ZBTB38: variants seen among roughly 807,000 people sequenced by gnomAD.
ZBTB38 encodes the protein zinc finger and BTB domain containing 38.
Under a neutral mutation model 76.8 loss-of-function variants are expected in ZBTB38, and 20 were observed. The ratio of observed to expected loss-of-function variants is 0.26; its 90% confidence interval spans 0.18 to 0.38. ZBTB38 has a LOEUF of 0.38. Ranked by LOEUF, ZBTB38 falls within the 10% of genes least tolerant of loss-of-function variation. ZBTB38 has a pLI of 1.00. For synonymous variants in ZBTB38, 504 were observed against 544.2 expected, an observed-to-expected ratio of 0.93 and a Z score of 1.03; for missense variants, 1,082 against 1,482.3, an observed-to-expected ratio of 0.73 and a Z score of 4.43.
intron 1 of ZBTB38, among the ~76,000 whole-genome samples, chr3:141,330,816 G>C (rs765805442): frequency 4.6e-5 from 7 of 152,216 alleles, no homozygotes; most frequent in Non-Finnish European, 1.0e-4. Flanking sequence ...TTTACAAGAA[G>C]AGGAAGAGAA....
chr3:141,341,570 C>A (rs1307839310), intron 1 of ZBTB38, among the ~76,000 whole-genome samples: 7 of 152,164 alleles, frequency 4.6e-5, no homozygotes, highest in African/African-American at 1.7e-4. Context: ...AGGGCAGAAT[C>A]CTGTGAAGCA....
At chr3:141,355,103 G>A (rs564481219) in intron 1 of ZBTB38, among the ~76,000 whole-genome samples, 5 of 152,124 alleles carry the variant, frequency 3.3e-5, no homozygotes, top group African/African-American at 1.2e-4. Flanking sequence ...ATTACAATGA[G>A]AGGAAGGAGA....
At chr3:141,407,412 T>C (rs1416561455) in intron 5 of ZBTB38, among the ~76,000 whole-genome samples, 1 of 152,230 alleles carries the variant, frequency 6.6e-6, no homozygotes, top group Non-Finnish European at 1.5e-5. Context: ...TAATACATAA[T>C]TTGGTCAGGA....
intron 2 of ZBTB38, among the ~76,000 whole-genome samples, chr3:141,377,331 T>A (rs550545799): frequency 3.7e-4 from 57 of 152,292 alleles, no homozygotes; most frequent in African/African-American, 1.3e-3. Context: ...ATGAGAGACA[T>A]CTGAGGTCAC....
At chr3:141,407,821 T>G (rs1395244449) in intron 5 of ZBTB38, among the ~76,000 whole-genome samples, 1 of 152,256 alleles carries the variant, frequency 6.6e-6, no homozygotes, top group African/African-American at 2.4e-5. Context: ...TAGAGATATG[T>G]CTATACTCAA....
At chr3:141,406,301 G>T (rs779931458) in intron 5 of ZBTB38, among the ~76,000 whole-genome samples, 3 of 152,130 alleles carry the variant, frequency 2.0e-5, no homozygotes, top group Non-Finnish European at 4.4e-5. Context: ...AGGCCAGAAA[G>T]CCAGTTAAGC....
chr3:141,355,040 A>G (rs1351799084), intron 1 of ZBTB38, among the ~76,000 whole-genome samples: 1 of 152,054 alleles, frequency 6.6e-6, no homozygotes, highest in African/African-American at 2.4e-5. Flanking sequence ...ATTGTTATAA[A>G]CTAAGCTATA....
chr3:141,346,908 G>A (rs758112510), intron 1 of ZBTB38, among the ~76,000 whole-genome samples: 17 of 151,724 alleles, frequency 1.1e-4, no homozygotes, highest in Non-Finnish European at 2.1e-4. Context: ...TGTCTACTAC[G>A]AATGTTTTAT....
At chr3:141,406,736 A>T (rs2149712969) in intron 5 of ZBTB38, among the ~76,000 whole-genome samples, 1 of 152,312 alleles carries the variant, frequency 6.6e-6, no homozygotes, top group South Asian at 2.1e-4. Context: ...GAAGTCTGGC[A>T]AGATAGTAAG....
chr3:141,324,623 T>C (rs1213101139), intron 1 of ZBTB38, among the ~76,000 whole-genome samples: 1 of 152,194 alleles, frequency 6.6e-6, no homozygotes, highest in Non-Finnish European at 1.5e-5. Flanking sequence ...CTATTATTGA[T>C]TCCCCAGCAT....
intron 5 of ZBTB38, among the ~76,000 whole-genome samples, chr3:141,431,341 A>AATATATATATATATATATATAT (rs1553771301): frequency 3.5e-4 from 36 of 103,254 alleles, no homozygotes; most frequent in South Asian, 5.5e-4. Flanking sequence ...AAAAAAAAAA[A>AATATATATATATATATATATAT]ATATATATAT....
Position 141,448,599 on chromosome 3 carries a change from ATAT to A in ZBTB38, c.*2629_*2631del, listed in dbSNP as rs1393613922. The A allele has an allele frequency of 5.3e-5, 8 of 152,272 alleles. No individual in the cohort carries two copies. Among genetic ancestry groups the A allele is most frequent in the East Asian group, 1.9e-4 (1 of 5,204 alleles). 9.4% of individuals were successfully genotyped at this position (152,272 alleles called of 1,614,324 possible). ...TTAGCATCTGTATTTTGGTTAGAAG[ATAT>A]TATTAAATGCAGATGTTAAGGATTG... On this transcript the variant is annotated 3_prime_UTR_variant, in exon 6 of 6. Transcript: ENST00000321464.
intron 5 of ZBTB38, among the ~76,000 whole-genome samples, chr3:141,420,286 T>A (rs962125913): frequency 1.3e-5 from 2 of 152,172 alleles, no homozygotes; most frequent in Non-Finnish European, 2.9e-5. Flanking sequence ...TTGCTGTGGT[T>A]TTGAAACAGT....
At chr3:141,399,649 G>C (rs1238779149) in intron 4 of ZBTB38, among the ~76,000 whole-genome samples, 2 of 152,198 alleles carry the variant, frequency 1.3e-5, no homozygotes, top group Non-Finnish European at 2.9e-5. Context: ...AGTGCTGCTA[G>C]TATGAGAGTT....
In ZBTB38 at chr3:141,438,877, G is replaced by A. The variant is rs998187454; in HGVS notation, c.1-3512G>A. Among the ~76,000 whole-genome samples, 4 of 151,830 alleles carry A rather than the reference G, an allele frequency of 2.6e-5. No individual in the cohort carries two copies. In the East Asian group the frequency reaches 5.8e-4, roughly 22 times the overall value. On this transcript the variant is annotated intron_variant, in intron 5 of 5. Coordinates refer to ENST00000321464, the MANE Select transcript of ZBTB38 (RefSeq NM_001376113.1). ...GCCATGTGCCTGGCCCCACATAGAC[G>A]CTGTCGACTGGGCTGCACACACTAC...
intron 1 of ZBTB38, among the ~76,000 whole-genome samples, chr3:141,348,407 AT>A (rs1238199685): frequency 6.6e-6 from 1 of 152,236 alleles, no homozygotes; most frequent in Non-Finnish European, 1.5e-5. Flanking sequence ...AATGCTCATA[AT>A]AGCTTTGGAA....
At chr3:141,336,560 G>T (rs1032533872) in intron 1 of ZBTB38, among the ~76,000 whole-genome samples, 8 of 152,008 alleles carry the variant, frequency 5.3e-5, no homozygotes, top group African/African-American at 1.7e-4. Flanking sequence ...TGTTGGCCAG[G>T]GTGGTCTTGA....
intron 5 of ZBTB38, among the ~76,000 whole-genome samples, chr3:141,405,214 G>A (rs1953940696): frequency 1.3e-5 from 2 of 152,148 alleles, no homozygotes; most frequent in Admixed American, 1.3e-4. Context: ...CAGTCTCTTA[G>A]CAAAGAATTT....
chr3:141,445,415 A>G lies in ZBTB38; in HGVS notation c.3027A>G (p.Pro1009=), dbSNP rs770573340. The G allele has an allele frequency of 3.1e-6, 5 of 1,614,198 alleles. No homozygotes were observed. In the South Asian group the frequency reaches 3.3e-5, roughly 11 times the overall value. ...GRPHRHLTSR[P]YACELCAKQF... ...CCCACCGACATCTTACTTCTCGGCC[A>G]TATGCCTGCGAGCTCTGCGCCAAGC... is the stretch of plus-strand genomic sequence containing the variant. The change falls in exon 6 of 6, where the codon CCA becomes CCG. Residue 1009 remains proline, a synonymous_variant. Coordinates refer to ENST00000321464, the MANE Select transcript of ZBTB38 (RefSeq NM_001376113.1). This position sits in a 1 kb window ranked among gnomAD's most constrained non-coding sequence, Gnocchi z 6.5.
Sources: allele counts gnomAD v4.1 joint callset (sites outside exome capture counted in the v4.1 genomes callset), GRCh38; gene constraint gnomAD v4.1.1; non-coding constraint Gnocchi (gnomAD v3.1); transcripts MANE v1.5; gene names NCBI Gene and HGNC (gene_info 2026-07-23, HGNC 2026-07-21).